Variants in SOX6 observed in about 807,000 individuals in gnomAD.
SOX6 encodes the protein transcription factor SOX-6.
In SOX6, 11 loss-of-function variants were observed where a neutral mutation model predicts 97.8. The observed-to-expected ratio is 0.11, with a 90% CI of 0.07 to 0.19. SOX6 has a LOEUF of 0.19. Ranked by LOEUF, SOX6 falls within the 10% of genes least tolerant of loss-of-function variation. SOX6 has a pLI of 1.00. For synonymous variants in SOX6, 360 were observed against 371.4 expected, an observed-to-expected ratio of 0.97 and a Z score of 0.35; for missense variants, 810 against 1,039.5, an observed-to-expected ratio of 0.78 and a Z score of 3.04.
At chr11:16,176,352 C>A (rs1216070179) in intron 6 of SOX6, among the ~76,000 whole-genome samples, 1 of 151,872 alleles carries the variant, frequency 6.6e-6, no homozygotes, top group African/African-American at 2.4e-5. Context: ...TTACAAGGGA[C>A]AACCAAGGTT....
intron 12 of SOX6, among the ~76,000 whole-genome samples, chr11:16,044,731 A>G (rs1205011189): frequency 1.3e-5 from 2 of 152,178 alleles, no homozygotes; most frequent in African/African-American, 4.8e-5. Flanking sequence ...CAGGAGAGAG[A>G]CCATGTTAAG....
At chr11:16,159,286 C>A (rs1265091228) in intron 6 of SOX6, among the ~76,000 whole-genome samples, 1 of 152,060 alleles carries the variant, frequency 6.6e-6, no homozygotes, top group African/African-American at 2.4e-5. Flanking sequence ...CATGAGAACG[C>A]TAAAGATCAG....
chr11:16,519,802 T>C (rs981607778), intron 4 of SOX6, among the ~76,000 whole-genome samples: 1 of 152,182 alleles, frequency 6.6e-6, no homozygotes, highest in Non-Finnish European at 1.5e-5. Context: ...TAGAGGTTAA[T>C]TTACATTCCC....
At chr11:16,080,132 C>T (rs1052735118) in intron 9 of SOX6, among the ~76,000 whole-genome samples, 9 of 149,512 alleles carry the variant, frequency 6.0e-5, no homozygotes, top group South Asian at 2.1e-4. Context: ...AAAAATAAGG[C>T]GATAGATATG....
intron 3 of SOX6, chr11:16,283,903 T>C: frequency 2.3e-6 from 1 of 433,146 alleles, no homozygotes; most frequent in East Asian, 7.6e-5. Context: ...TCCAGAAATC[T>C]TGAAAGAAAG....
At chr11:16,090,543 T>C (rs182223435) in intron 9 of SOX6, among the ~76,000 whole-genome samples, 23 of 152,104 alleles carry the variant, frequency 1.5e-4, no homozygotes, top group African/African-American at 4.6e-4. Flanking sequence ...ATTCACTTGA[T>C]ACCTGCACTT....
chr11:16,657,934 T>C (rs1182752042), intron 3 of SOX6, among the ~76,000 whole-genome samples: 1 of 152,254 alleles, frequency 6.6e-6, no homozygotes, highest in Admixed American at 6.5e-5. Context: ...TAGCACATAA[T>C]TGGAGTTTAT....
At position 16,038,499 on chromosome 11, in the gene SOX6, G is replaced by A. The variant is rs116646782; in HGVS notation, c.1623+8015C>T. Among the ~76,000 whole-genome samples the A allele has an allele frequency of 1.5e-3, 228 of 152,114 alleles. 1 individual carries two copies. The highest frequency in any genetic ancestry group is 5.1e-3 in the African/African-American group (211 of 41,510). On this transcript the variant is annotated intron_variant, in intron 12 of 15. Coordinates refer to ENST00000683767, the MANE Select transcript of SOX6 (RefSeq NM_001367873.1). The stretch of plus-strand genomic sequence containing the variant: ...GAAGACTGGGAAAGAGGGAGGAAGG[G>A]AGTAAGAATTTATTAAATGCCCAAT...
chr11:16,406,219 A>G (rs1858684853), intron 1 of SOX6, among the ~76,000 whole-genome samples: 1 of 152,070 alleles, frequency 6.6e-6, no homozygotes, highest in African/African-American at 2.4e-5. Context: ...TTGTCATTGG[A>G]ACAAGAAATC....
intron 2 of SOX6, among the ~76,000 whole-genome samples, chr11:16,330,975 A>C (rs999167824): frequency 6.6e-6 from 1 of 152,176 alleles, no homozygotes; most frequent in African/African-American, 2.4e-5. Context: ...AATTTATGGC[A>C]TTGAGAAATA....
At chr11:16,078,007 G>C (rs1239658281) in intron 9 of SOX6, among the ~76,000 whole-genome samples, 4 of 151,710 alleles carry the variant, frequency 2.6e-5, no homozygotes, top group Admixed American at 6.6e-5. Context: ...TTTCTTTCAG[G>C]GTGCTAAATA....
chr11:15,973,233 A>T, intron 15 of SOX6, 121 bp from the exon 16 acceptor site: 1 of 956,882 alleles, frequency 1.0e-6, no homozygotes. Context: ...GTTAAATAAC[A>T]TTCTAAGCAA....
At chr11:16,249,834 T>C (rs1853453582) in intron 3 of SOX6, among the ~76,000 whole-genome samples, 1 of 152,204 alleles carries the variant, frequency 6.6e-6, no homozygotes, top group South Asian at 2.1e-4. Flanking sequence ...TTTCATACAG[T>C]TGATCAAGTG....
chr11:16,261,694 C>CT (rs1211041100), intron 3 of SOX6, among the ~76,000 whole-genome samples: 5 of 151,848 alleles, frequency 3.3e-5, no homozygotes, highest in Admixed American at 1.3e-4. Context: ...CAGTCTAGGT[C>CT]AGACCATTAG....
intron 3 of SOX6, among the ~76,000 whole-genome samples, chr11:16,696,501 A>G (rs1173002989): frequency 6.6e-6 from 1 of 152,216 alleles, no homozygotes; most frequent in African/African-American, 2.4e-5. Context: ...GATCATTTCA[A>G]TAAAGCGAAT....
intron 3 of SOX6, among the ~76,000 whole-genome samples, chr11:16,676,124 A>G (rs953976756): frequency 6.8e-6 from 1 of 146,416 alleles, no homozygotes; most frequent in Non-Finnish European, 1.5e-5. Context: ...CTTCAGCATA[A>G]TCTCAACTGA....
chr11:16,578,051 C>G (rs905439895), intron 4 of SOX6, among the ~76,000 whole-genome samples: 10 of 152,014 alleles, frequency 6.6e-5, no homozygotes, highest in Non-Finnish European at 1.5e-4. Flanking sequence ...ATAGTTTTAT[C>G]TCTCATATGT....
At chr11:16,231,251 C>T (rs1009796894) in intron 4 of SOX6, among the ~76,000 whole-genome samples, 2 of 151,616 alleles carry the variant, frequency 1.3e-5, no homozygotes, top group Admixed American at 1.3e-4. Flanking sequence ...AAGTTTAATA[C>T]TATTCAAACA....
chr11:16,642,532 C>G (rs936758360), intron 3 of SOX6, among the ~76,000 whole-genome samples: 3 of 152,120 alleles, frequency 2.0e-5, no homozygotes, highest in Admixed American at 2.0e-4. Context: ...TTCCATTCTC[C>G]CCGTCACTTT....
Sources: allele counts gnomAD v4.1 joint callset (sites outside exome capture counted in the v4.1 genomes callset), GRCh38; gene constraint gnomAD v4.1.1; transcripts MANE v1.5; gene names NCBI Gene and HGNC (gene_info 2026-07-23, HGNC 2026-07-21).